TCIRG1: variants seen among roughly 807,000 people sequenced by gnomAD.
TCIRG1 encodes the protein V-type proton ATPase 116 kDa subunit a 3.
Under a neutral mutation model 95.5 loss-of-function variants are expected in TCIRG1, and 86 were observed. The observed-to-expected ratio is 0.90, with a 90% CI of 0.76 to 1.08. The LOEUF is 1.08. TCIRG1 is among the 50% of genes least tolerant of loss of function. The probability of loss-of-function intolerance (pLI) is 0.00; values close to 1 mark genes in which losing one functional copy is unlikely to be tolerated. For synonymous variants in TCIRG1, 499 were observed against 501.3 expected, an observed-to-expected ratio of 1.00 and a Z score of 0.06; for missense variants, 1,069 against 1,140.2, an observed-to-expected ratio of 0.94 and a Z score of 0.90.
At position 68,043,399 on chromosome 11, in the gene TCIRG1, A is replaced by G; in HGVS notation, c.532A>G (p.Lys178Glu). The part of the protein sequence containing the change: ...NFVAGAVEPH[K>E]APALERLLWR... Reference sequence around the variant, plus strand: ...TGTGGCAGGTGCCGTGGAGCCCCACAAGGCCCCTGCCCTAGAGCGCCTGCT... The same window carrying G: ...TGTGGCAGGTGCCGTGGAGCCCCACGAGGCCCCTGCCCTAGAGCGCCTGCT... Residue 178 changes from lysine (K) to glutamate (E), a missense_variant, in exon 6 of 20, where the codon AAG (lysine) becomes GAG (glutamate). By Grantham distance (56) the Lys-to-Glu change is moderately conservative. Coordinates refer to ENST00000265686, the MANE Select transcript of TCIRG1 (RefSeq NM_006019.4). The G allele has an allele frequency of 6.5e-7, 1 of 1,540,824 alleles. No individual in the cohort carries two copies. The highest frequency in any genetic ancestry group is 8.7e-7 in the Non-Finnish European group (1 of 1,146,482).
rs548772860 is a variant in TCIRG1 at position 68,044,385 on chromosome 11, C to T, written c.1020+41C>T. 1.2e-4 allele frequency: 179 copies of T among 1,485,120 alleles called. 1 individual carries two copies. The African/African-American group carries it at 2.3e-3, about 19-fold the overall frequency. The allele number at this position is 1,485,120 out of a possible 1,614,324, so 92.0% of individuals were successfully genotyped here. ...CCTCGCCCCCTCTCCGCCCGCCCCT[C>T]CTACCAGGCCGGGGCGTTTCTGCCT... On this transcript the variant is annotated intron_variant, in intron 9 of 19. Coordinates refer to ENST00000265686, the MANE Select transcript of TCIRG1 (RefSeq NM_006019.4).
rs749982899 is a variant in TCIRG1, at chr11:68,050,552, G to A, written c.2302G>A (p.Val768Met). Reference protein sequence around the residue: ...IGLGLGREVGVAAVVLVPIFA... With the variant: ...IGLGLGREVGMAAVVLVPIFA... ...CCTGGGCCTGGGCCGGGAGGTGGGC[G>A]TGGCGGCTGTGGTGCTGGTCCCCAT... Residue 768 changes from valine (V) to methionine (M), a missense_variant, in exon 19 of 20, where the codon GTG (valine) becomes ATG (methionine). Val to Met is a conservative substitution (Grantham distance 21). Transcript: ENST00000265686. 3.7e-5 allele frequency: 59 copies of A among 1,613,576 alleles called. No homozygotes were observed. The highest frequency in any genetic ancestry group is 4.5e-5 in the Non-Finnish European group (53 of 1,180,024).
chr11:68,046,307 C>T (rs1473463120), intron 10 of TCIRG1, among the ~76,000 whole-genome samples: 1 of 151,962 alleles, frequency 6.6e-6, no homozygotes, highest in Non-Finnish European at 1.5e-5. Flanking sequence ...TCCAGGAGTT[C>T]GAGACCAGCC....
Position 68,049,099 on chromosome 11 carries a change from C to T in TCIRG1, c.1692C>T (p.His564=), listed in dbSNP as rs749600980. ...CCGCCAGGCACTTTGGCCAGAGGCA[C>T]CGGCTGCTGCTGGAGACGCTGCCGG... The part of the protein sequence containing the change: ...VFNHVHFGQR[H]RLLLETLPEL... Residue 564 remains histidine (H), a synonymous_variant, in exon 15 of 20, where the codon CAC becomes CAT. Transcript: ENST00000265686. 62 of 1,613,500 alleles carry T rather than the reference C, an allele frequency of 3.8e-5. No individual in the cohort carries two copies. The South Asian group carries it at 6.4e-4, about 17-fold the overall frequency.
chr11:68,045,509 A>G (rs532264687), intron 10 of TCIRG1, among the ~76,000 whole-genome samples: 1 of 151,926 alleles, frequency 6.6e-6, no homozygotes, highest in East Asian at 1.9e-4. Flanking sequence ...GGAGACTGCA[A>G]GCTGGAGCCA....
intron 10 of TCIRG1, among the ~76,000 whole-genome samples, chr11:68,045,858 C>T (rs890224128): frequency 6.6e-6 from 1 of 152,212 alleles, no homozygotes; most frequent in Admixed American, 6.5e-5. Flanking sequence ...AGGCAGGGCC[C>T]CTCCCTGTCC....
rs1451579755 is a variant in TCIRG1 at position 68,049,635 on chromosome 11, G to A, written c.1888-28G>A. On this transcript the variant is annotated intron_variant, in intron 15 of 19. Coordinates refer to ENST00000265686, the MANE Select transcript of TCIRG1 (RefSeq NM_006019.4). The stretch of plus-strand genomic sequence containing the variant: ...CTTTGCAGGTGTGCACAGCAGGGAC[G>A]CCCTGACTCTCGCCCTCTCCCTGGC... 69 of 1,595,896 alleles carry A rather than the reference G, an allele frequency of 4.3e-5. No individual in the cohort carries two copies. The East Asian group carries it at 6.3e-4, about 14-fold the overall frequency.
At chr11:68,042,554 G>T in intron 3 of TCIRG1, 89 bp from the exon 4 acceptor site, 1 of 1,076,702 alleles carries the variant, frequency 9.3e-7, no homozygotes, top group Non-Finnish European at 1.4e-6. Flanking sequence ...TCCAGCAGCT[G>T]GTGGCCGATG....
Position 68,045,014 on chromosome 11 carries a change from C to A in TCIRG1, c.1077C>A (p.Pro359=), listed in dbSNP as rs540735024. The A allele has an allele frequency of 6.2e-7, 1 of 1,608,600 alleles. No individual in the cohort carries two copies. Among genetic ancestry groups the A allele is most frequent in the Non-Finnish European group, 8.5e-7 (1 of 1,180,004 alleles). ...AHRIPCRDMP[P]TLIRTNRFTA... is the part of the protein sequence containing the mutation. ...GCATCCCCTGCCGGGACATGCCCCC[C>A]ACACTCATCCGCACCAACCGCTTCA... The change falls in exon 10 of 20, where the codon CCC becomes CCA. Residue 359 remains proline, a synonymous_variant. Transcript: ENST00000265686.
intron 9 of TCIRG1, 106 bp from the exon 10 acceptor site, chr11:68,044,852 G>T (rs756069303): frequency 1.4e-6 from 2 of 1,435,074 alleles, no homozygotes; most frequent in East Asian, 2.4e-5. Context: ...GGGCTGCCCA[G>T]TGAGCCCCCA....
chr11:68,044,110 C>A, intron 8 of TCIRG1, 22 bp from the exon 9 acceptor site: 1 of 1,543,414 alleles, frequency 6.5e-7, no homozygotes, highest in Middle Eastern at 2.1e-4. Context: ...CCAGCCCCCG[C>A]TGACTGCCCA....
intron 1 of TCIRG1, among the ~76,000 whole-genome samples, chr11:68,040,410 G>A (rs1266729333): frequency 6.6e-6 from 1 of 152,210 alleles, no homozygotes; most frequent in African/African-American, 2.4e-5. Context: ...CCTTTCCCAG[G>A]CTGGGGCTGG....
rs770697323 is a variant in TCIRG1 at position 68,047,957 on chromosome 11, C to A, written c.1539C>A (p.Pro513=). 6.2e-7 allele frequency: 1 copy of A among 1,613,822 alleles called. No homozygotes were observed. The highest frequency in any genetic ancestry group is 2.2e-5 in the East Asian group (1 of 44,884). ...NVTGVFLGPY[P]FGIDPIWSLA... ...CCGGTGTCTTCCTGGGACCCTACCC[C>A]TTTGGCATCGATCCTGTGAGTCCTG... The change falls in exon 13 of 20, where the codon CCC becomes CCA. Residue 513 remains proline (P), a synonymous_variant. Transcript: ENST00000265686.
intron 15 of TCIRG1, 113 bp from the exon 16 acceptor site, chr11:68,049,550 C>A: frequency 7.0e-7 from 1 of 1,436,684 alleles, no homozygotes; most frequent in Non-Finnish European, 9.4e-7. Flanking sequence ...CCCCCGGGGG[C>A]CCTGGAGGGA....
intron 10 of TCIRG1, among the ~76,000 whole-genome samples, chr11:68,046,442 C>T (rs954357320): frequency 2.6e-5 from 4 of 152,152 alleles, no homozygotes; most frequent in Non-Finnish European, 2.9e-5. Context: ...GGGCTTGGAG[C>T]GGCCGTCCTC....
chr11:68,048,740 C>T, intron 13 of TCIRG1, 139 bp from the exon 14 acceptor site: 3 of 780,800 alleles, frequency 3.8e-6, no homozygotes, highest in East Asian at 5.0e-5. Flanking sequence ...TCTGTTGCCC[C>T]TCGGTGGGTG....
rs1183810586 is a variant in TCIRG1 at position 68,041,821 on chromosome 11, G to A, written c.186G>A (p.Glu62=). 1 of 1,607,906 alleles carries A rather than the reference G, an allele frequency of 6.2e-7. No homozygotes were observed. Among genetic ancestry groups the A allele is most frequent in the East Asian group, 2.2e-5 (1 of 44,688 alleles). Residue 62 remains glutamate (E), a synonymous_variant, in exon 3 of 20, where the codon GAG becomes GAA. Transcript: ENST00000265686. ...VVDVRRCEEL[E]KTFTFLQEEV... The stretch of plus-strand genomic sequence containing the variant: ...ATGTTCGGCGCTGTGAGGAGCTGGA[G>A]AAGACCTTCAGTGAGTTGGTCCCAG...
At position 68,041,324 on chromosome 11, in the gene TCIRG1, C is replaced by A; in HGVS notation, c.53C>A (p.Pro18His). Residue 18 changes from proline (P) to histidine (H), a missense_variant, in exon 2 of 20, where the codon CCC (proline) becomes CAC (histidine). By Grantham distance (77) the Pro-to-His change is moderately conservative. Coordinates refer to ENST00000265686, the MANE Select transcript of TCIRG1 (RefSeq NM_006019.4). ...EEVALVQLFLPTAAAYTCVSR... is the reference protein window; with the variant it reads ...EEVALVQLFLHTAAAYTCVSR... Reference sequence around the variant, plus strand: ...GTGGCCCTGGTCCAGCTCTTTCTGCCCACAGCGGCTGCCTACACCTGCGTG... The same window carrying A: ...GTGGCCCTGGTCCAGCTCTTTCTGCACACAGCGGCTGCCTACACCTGCGTG... The A allele has an allele frequency of 6.2e-7, 1 of 1,613,298 alleles. No individual in the cohort carries two copies. Among genetic ancestry groups the A allele is most frequent in the South Asian group, 1.1e-5 (1 of 91,088 alleles).
chr11:68,053,308 G>C (rs1855869940), downstream of TCIRG1: 1 of 152,328 alleles, frequency 6.6e-6, no homozygotes, highest in African/African-American at 2.4e-5. Context: ...GAAGGGCAGG[G>C]GAGAAGTCAC....
Sources: allele counts gnomAD v4.1 joint callset (sites outside exome capture counted in the v4.1 genomes callset), GRCh38; gene constraint gnomAD v4.1.1; transcripts MANE v1.5; gene names NCBI Gene and HGNC (gene_info 2026-07-23, HGNC 2026-07-21).